PKM: variants seen among roughly 807,000 people sequenced by gnomAD.
PKM encodes pyruvate kinase PKM.
A neutral mutation model predicts 49.8 loss-of-function variants in PKM; 18 were observed. That is an observed-to-expected ratio of 0.36 (90% CI 0.25 to 0.54). PKM has a LOEUF of 0.54. Among genes scored for constraint, PKM ranks in the 20% least tolerant of loss-of-function variants. The probability of loss-of-function intolerance (pLI) is 0.89; values close to 1 mark genes in which losing one functional copy is unlikely to be tolerated. For missense variants in PKM, 508 were observed against 713.8 expected, an observed-to-expected ratio of 0.71 and a Z score of 3.28; for synonymous variants, 239 against 261.8, an observed-to-expected ratio of 0.91 and a Z score of 0.84.
chr15:72,217,466 C>T lies in PKM; in HGVS notation c.189G>A (p.Glu63=). 2 of 1,612,718 alleles carry T rather than the reference C, an allele frequency of 1.2e-6. No homozygotes were observed. Among genetic ancestry groups the T allele is most frequent in the South Asian group, 2.2e-5 (2 of 91,058 alleles). ...CCACATTCATTCCAGACTTAATCAT[C>T]TCCTTCAACGTCTCCACTGATCGGG... is the stretch of plus-strand genomic sequence containing the variant. The part of the protein sequence containing the change: ...PASRSVETLK[E]MIKSGMNVAR... Residue 63 remains glutamate, a synonymous_variant, in exon 3 of 11, where the codon GAG becomes GAA. Coordinates refer to ENST00000335181, the MANE Select transcript of PKM (RefSeq NM_002654.6).
chr15:72,203,345 G>C, intron 8 of PKM: 1 of 666,482 alleles, frequency 1.5e-6, no homozygotes, highest in South Asian at 1.7e-5. Context: ...GCAGAGGTAG[G>C]GTGATGAAAG....
intron 1 of PKM, among the ~76,000 whole-genome samples, chr15:72,225,433 CAGCCTCTCAAAGTGCT>C (rs1489186752): frequency 2.0e-5 from 3 of 152,112 alleles, no homozygotes; most frequent in Non-Finnish European, 4.4e-5. Flanking sequence ...CCTCCTGCAT[CAGCCTCTCAAAGTGCT>C]GGGATTACAG....
chr15:72,208,382 A>G (rs570096419), intron 6 of PKM, among the ~76,000 whole-genome samples: 83 of 152,226 alleles, frequency 5.5e-4, no homozygotes, highest in African/African-American at 2.0e-3. Context: ...CCAGGGAACA[A>G]TGTCAAGCTG....
intron 1 of PKM, among the ~76,000 whole-genome samples, chr15:72,223,519 G>A (rs986603619): frequency 1.8e-4 from 27 of 152,212 alleles, no homozygotes; most frequent in East Asian, 3.9e-4. Flanking sequence ...CAACTCTTCC[G>A]AACACCTGCA....
chr15:72,220,642 CA>C (rs2082497524), intron 1 of PKM, among the ~76,000 whole-genome samples: 1 of 152,148 alleles, frequency 6.6e-6, no homozygotes, highest in African/African-American at 2.4e-5. Flanking sequence ...TACTACGTAC[CA>C]AAATGAAAAA....
In PKM at chr15:72,208,698, T is replaced by C; in HGVS notation, c.759A>G (p.Glu253=). 6.2e-7 allele frequency: 1 copy of C among 1,614,150 alleles called. No homozygotes were observed. Among genetic ancestry groups the C allele is most frequent in the Non-Finnish European group, 8.5e-7 (1 of 1,180,022 alleles). Residue 253 remains glutamate, a synonymous_variant, in exon 6 of 11, where the codon GAA becomes GAG. Transcript: ENST00000335181. ...CCTTCTCTCCCAGGACCTTCCTAAC[T>C]TCATGGACATCAGATGCCTTGCGGA... ...SFIRKASDVH[E]VRKVLGEKGK...
In PKM at chr15:72,208,877, C is replaced by G. The variant is rs1391247021; in HGVS notation, c.580G>C (p.Val194Leu). ...GAGCCACCATTTTCCACCTCCGTCA[C>G]CAGGAAGTCGGCACCTGTATGAAAA... ...QVKQKGADFL[V>L]TEVENGGSLG... Residue 194 changes from valine (V) to leucine (L), a missense_variant, in exon 6 of 11, where the codon GTG (valine) becomes CTG (leucine). Coordinates refer to ENST00000335181, the MANE Select transcript of PKM (RefSeq NM_002654.6). The G allele has an allele frequency of 2.5e-6, 4 of 1,613,850 alleles. No homozygotes were observed. Among genetic ancestry groups the G allele is most frequent in the Non-Finnish European group, 3.4e-6 (4 of 1,179,948 alleles).
intron 1 of PKM, chr15:72,229,632 T>G: frequency 7.9e-7 from 1 of 1,262,890 alleles, no homozygotes; most frequent in Non-Finnish European, 1.0e-6. Flanking sequence ...GGTGAGACCT[T>G]ACGAGGCTTC....
Position 72,210,410 on chromosome 15 carries a change from G to A in PKM, c.315C>T (p.Tyr105=). 6.2e-7 allele frequency: 1 copy of A among 1,614,176 alleles called. No individual in the cohort carries two copies. Among genetic ancestry groups the A allele is most frequent in the Non-Finnish European group, 8.5e-7 (1 of 1,180,008 alleles). The change falls in exon 4 of 11, where the codon TAC becomes TAT. Residue 105 remains tyrosine (Y), a synonymous_variant. Coordinates refer to ENST00000335181, the MANE Select transcript of PKM (RefSeq NM_002654.6). ...TESFASDPIL[Y]RPVAVALDTK... ...TGTCTAGAGCCACAGCAACGGGCCG[G>A]TAGAGGATGGGGTCAGAAGCAAAGC...
chr15:72,208,996 T>C (rs2082161478), intron 5 of PKM, 105 bp from the exon 6 acceptor site: 2 of 1,249,148 alleles, frequency 1.6e-6, no homozygotes, highest in Admixed American at 2.0e-5. Flanking sequence ...TGGTGCATTA[T>C]GGGTGCTGGA....
At chr15:72,226,664 CCA>C (rs1567134114) in intron 1 of PKM, among the ~76,000 whole-genome samples, 1 of 152,242 alleles carries the variant, frequency 6.6e-6, no homozygotes, top group Admixed American at 6.5e-5. Context: ...CTGTGCTGGT[CCA>C]CAGTGTGAAA....
chr15:72,208,703 G>T lies in PKM; in HGVS notation c.754C>A (p.His252Asn), dbSNP rs776459545. ...ASFIRKASDV[H>N]EVRKVLGEKG... ...TCTCCCAGGACCTTCCTAACTTCAT[G>T]GACATCAGATGCCTTGCGGATGAAT... The change falls in exon 6 of 11, where the codon CAT becomes AAT. Residue 252 changes from histidine (H) to asparagine (N), a missense_variant. His to Asn is a moderately conservative substitution (Grantham distance 68). Transcript: ENST00000335181. 1 of 1,614,080 alleles carries T rather than the reference G, an allele frequency of 6.2e-7. No homozygotes were observed. The highest frequency in any genetic ancestry group is 2.2e-5 in the East Asian group (1 of 44,888).
In PKM at chr15:72,217,457, C is replaced by T; in HGVS notation, c.198G>A (p.Lys66=). ...RSVETLKEMI[K]SGMNVARLNF... is the part of the protein sequence containing the mutation. ...TCAGACGAGCCACATTCATTCCAGACTTAATCATCTCCTTCAACGTCTCCA... is the reference window on the plus strand; with the variant it reads ...TCAGACGAGCCACATTCATTCCAGATTTAATCATCTCCTTCAACGTCTCCA... The change falls in exon 3 of 11, where the codon AAG becomes AAA. Residue 66 remains lysine (K), a synonymous_variant. Transcript: ENST00000335181. The T allele has an allele frequency of 6.2e-7, 1 of 1,613,332 alleles. No homozygotes were observed. The highest frequency in any genetic ancestry group is 8.5e-7 in the Non-Finnish European group (1 of 1,179,270).
intron 5 of PKM, 155 bp downstream of exon 5, chr15:72,209,518 T>C (rs567192127): frequency 2.4e-5 from 16 of 673,862 alleles, no homozygotes; most frequent in Non-Finnish European, 4.0e-5. Context: ...GATTAAAGCC[T>C]ATCTTTGAGG....
chr15:72,204,034 T>C (rs1184509836), intron 8 of PKM: 1 of 152,196 alleles, frequency 6.6e-6, no homozygotes, highest in African/African-American at 2.4e-5. Flanking sequence ...GAATCGGTAA[T>C]ACCCCCTCAT....
intron 1 of PKM, among the ~76,000 whole-genome samples, chr15:72,229,029 T>C (rs1810927734): frequency 6.6e-6 from 1 of 152,196 alleles, no homozygotes; most frequent in African/African-American, 2.4e-5. Flanking sequence ...GTTGGAAAGT[T>C]ACATTATCAG....
At chr15:72,221,479 G>A (rs2082521994) in intron 1 of PKM, among the ~76,000 whole-genome samples, 1 of 151,896 alleles carries the variant, frequency 6.6e-6, no homozygotes, top group African/African-American at 2.4e-5. Context: ...GAGCGGGGAA[G>A]GGACACCAAA....
chr15:72,225,056 G>C (rs1040663479), intron 1 of PKM, among the ~76,000 whole-genome samples: 3 of 148,966 alleles, frequency 2.0e-5, no homozygotes, highest in African/African-American at 4.9e-5. Flanking sequence ...TGAGTAGCTG[G>C]GACTACAGGC....
At chr15:72,211,739 G>A (rs2082258719) in intron 3 of PKM, among the ~76,000 whole-genome samples, 1 of 151,146 alleles carries the variant, frequency 6.6e-6, no homozygotes, top group South Asian at 2.1e-4. Context: ...TGTCTAGGAG[G>A]TCAAGGCTAC....
Sources: gnomAD v4.1 joint callset for allele counts (sites outside exome capture counted in the v4.1 genomes callset) on GRCh38, gnomAD v4.1.1 for gene constraint, MANE v1.5 for transcripts, NCBI Gene and HGNC (gene_info 2026-07-23, HGNC 2026-07-21) for gene names.